The following SPOCK3 variants were observed in gnomAD, a reference collection of about 807,000 sequenced individuals.
SPOCK3 encodes testican-3.
In SPOCK3, 30 loss-of-function variants were observed where a neutral mutation model predicts 56.6. That is an observed-to-expected ratio of 0.53 (90% confidence interval 0.40 to 0.72). SPOCK3 has a LOEUF of 0.72. Ranked by LOEUF, SPOCK3 falls within the 30% of genes least tolerant of loss-of-function variation. The pLI is 0.00. For synonymous variants in SPOCK3, 196 were observed against 183.3 expected (o/e 1.07, Z -0.56); for missense variants, 527 against 530.0 (o/e 0.99, Z 0.06).
intron 4 of SPOCK3, among the ~76,000 whole-genome samples, chr4:166,988,050 C>A: frequency 6.6e-6 from 1 of 151,906 alleles, no homozygotes; most frequent in Admixed American, 6.6e-5. Flanking sequence ...AAGCAATAAG[C>A]TAACAGATAC....
chr4:166,957,704 T>G (rs968896176), intron 4 of SPOCK3, among the ~76,000 whole-genome samples: 3 of 152,196 alleles, frequency 2.0e-5, no homozygotes, highest in African/African-American at 4.8e-5. Context: ...GAGATTATTT[T>G]GAAGCTTTAA....
chr4:166,949,704 T>C (rs1742278397), intron 4 of SPOCK3, among the ~76,000 whole-genome samples: 1 of 152,134 alleles, frequency 6.6e-6, no homozygotes, highest in Admixed American at 6.6e-5. Flanking sequence ...TCTGGAAGTT[T>C]CGTCTCAGAG....
At chr4:166,830,411 T>C (rs1335014636) in intron 6 of SPOCK3, among the ~76,000 whole-genome samples, 1 of 152,164 alleles carries the variant, frequency 6.6e-6, no homozygotes, top group East Asian at 1.9e-4. Flanking sequence ...CACTGTATCA[T>C]TCATTAAAGG....
intron 5 of SPOCK3, among the ~76,000 whole-genome samples, chr4:166,902,098 G>A (rs547209381): frequency 6.6e-6 from 1 of 152,218 alleles, no homozygotes; most frequent in Admixed American, 6.5e-5. Context: ...TGTTTATGTA[G>A]CAAACGGACT....
At chr4:167,058,157 A>G (rs1755120399) in intron 3 of SPOCK3, among the ~76,000 whole-genome samples, 1 of 152,160 alleles carries the variant, frequency 6.6e-6, no homozygotes, top group Admixed American at 6.6e-5. Flanking sequence ...CAGGGCAATT[A>G]GGCAGGAGAA....
intron 7 of SPOCK3, among the ~76,000 whole-genome samples, chr4:166,772,971 T>C (rs1739125553): frequency 1.3e-5 from 2 of 152,092 alleles, no homozygotes; most frequent in African/African-American, 2.4e-5. Flanking sequence ...TATTTTTGTG[T>C]TTTGTAGAGA....
chr4:167,175,057 C>A (rs934739161), intron 2 of SPOCK3, among the ~76,000 whole-genome samples: 2 of 152,088 alleles, frequency 1.3e-5, no homozygotes, highest in African/African-American at 4.8e-5. Flanking sequence ...CTACTACCTG[C>A]AGAATTATCG....
intron 2 of SPOCK3, among the ~76,000 whole-genome samples, chr4:167,205,350 T>TAA (rs1166601511): frequency 0.094 from 3,992 of 42,504 alleles, 309 homozygotes; most frequent in African/African-American, 0.18. Flanking sequence ...ATTATATATA[T>TAA]AATATATATA....
chr4:166,842,158 G>A (rs1298934937), intron 6 of SPOCK3, among the ~76,000 whole-genome samples: 1 of 152,198 alleles, frequency 6.6e-6, no homozygotes. Flanking sequence ...AGGCAGTGCG[G>A]ACCCAAAGAG....
At chr4:166,746,980 A>G (rs1735704172) in intron 8 of SPOCK3, among the ~76,000 whole-genome samples, 1 of 152,218 alleles carries the variant, frequency 6.6e-6, no homozygotes, top group Non-Finnish European at 1.5e-5. Context: ...TCTGAAATTG[A>G]GGCAATAATT....
intron 8 of SPOCK3, among the ~76,000 whole-genome samples, chr4:166,743,236 T>C (rs541319679): frequency 2.3e-4 from 35 of 152,040 alleles, no homozygotes; most frequent in Non-Finnish European, 4.4e-4. Flanking sequence ...AACTGCAAAA[T>C]AATATACTAT....
At chr4:167,074,991 G>T (rs2150275949) in intron 2 of SPOCK3, among the ~76,000 whole-genome samples, 1 of 151,906 alleles carries the variant, frequency 6.6e-6, no homozygotes, top group East Asian at 2.0e-4. Context: ...ATCATTTTTG[G>T]TTTAGGAACA....
Position 166,889,091 on chromosome 4 carries a change from T to A in SPOCK3, c.589+39A>T, listed in dbSNP as rs201655004. 7.0e-5 allele frequency: 86 copies of A among 1,236,972 alleles called. 1 individual carries two copies. The African/African-American group carries it at 1.2e-3, about 17-fold the overall frequency. 76.6% of individuals were successfully genotyped at this position (1,236,972 alleles called of 1,614,324 possible). On this transcript the variant is annotated intron_variant, in intron 6 of 10. Coordinates refer to ENST00000357545, the MANE Select transcript of SPOCK3 (RefSeq NM_001040159.2). Reference sequence around the variant, plus strand: ...TATTGCAAAACATTTTAGTAGAGAGTGATGAATGTAAAATTATAAATATAT... The same window carrying A: ...TATTGCAAAACATTTTAGTAGAGAGAGATGAATGTAAAATTATAAATATAT...
chr4:166,928,083 C>G (rs1739319820), intron 4 of SPOCK3, among the ~76,000 whole-genome samples: 2 of 152,208 alleles, frequency 1.3e-5, no homozygotes, highest in African/African-American at 4.8e-5. Flanking sequence ...ACACCAAAAG[C>G]TGGGGATAAT....
intron 2 of SPOCK3, among the ~76,000 whole-genome samples, chr4:167,150,817 G>A (rs1764349680): frequency 6.6e-6 from 1 of 152,172 alleles, no homozygotes; most frequent in South Asian, 2.1e-4. Flanking sequence ...AAGGATGGCA[G>A]CTGATACCCA....
rs1030146068 is a variant in SPOCK3 at position 166,961,211 on chromosome 4, A to T, written c.350+39138T>A. On this transcript the variant is annotated intron_variant, in intron 4 of 10. Transcript: ENST00000357545. The stretch of plus-strand genomic sequence containing the variant: ...CACAGCATTTTAAAACATCAATTTT[A>T]AAAAAAACCTTTAAATACGTGAGTC... Among the ~76,000 whole-genome samples the T allele has an allele frequency of 3.3e-5, 5 of 151,764 alleles. No homozygotes were observed. The South Asian group carries it at 6.2e-4, about 19-fold the overall frequency.
At chr4:166,800,579 C>G (rs570318561) in intron 6 of SPOCK3, among the ~76,000 whole-genome samples, 1 of 150,794 alleles carries the variant, frequency 6.6e-6, no homozygotes, top group African/African-American at 2.4e-5. Flanking sequence ...TCAGGTTTAT[C>G]AAAAAAATGT....
chr4:166,936,572 G>T (rs6553431), intron 4 of SPOCK3, among the ~76,000 whole-genome samples: 1 of 151,708 alleles, frequency 6.6e-6, no homozygotes. Context: ...CAGTGGCACA[G>T]CTTTTCCCAT....
chr4:167,098,110 TCC>T (rs1759318158), intron 2 of SPOCK3, among the ~76,000 whole-genome samples: 1 of 151,962 alleles, frequency 6.6e-6, no homozygotes, highest in Non-Finnish European at 1.5e-5. Flanking sequence ...AATGCCTTTA[TCC>T]CAGACCTGTG....
Sources: gnomAD v4.1 joint callset for allele counts (sites outside exome capture counted in the v4.1 genomes callset) on GRCh38, gnomAD v4.1.1 for gene constraint, MANE v1.5 for transcripts, NCBI Gene and HGNC (gene_info 2026-07-23, HGNC 2026-07-21) for gene names.